UBASH3B: variants seen among roughly 807,000 people sequenced by gnomAD.
UBASH3B encodes ubiquitin-associated and SH3 domain-containing protein B.
A neutral mutation model predicts 83.4 loss-of-function variants in UBASH3B; 37 were observed. The ratio of observed to expected loss-of-function variants is 0.44; its 90% CI spans 0.34 to 0.58. The LOEUF is 0.58. Ranked by LOEUF, UBASH3B falls within the 20% of genes least tolerant of loss-of-function variation. The probability of loss-of-function intolerance (pLI) is 0.01; values close to 1 mark genes in which losing one functional copy is unlikely to be tolerated. For synonymous variants in UBASH3B, 304 were observed against 318.3 expected, an observed-to-expected ratio of 0.96 and a Z score of 0.48; for missense variants, 657 against 827.2, an observed-to-expected ratio of 0.79 and a Z score of 2.52.
chr11:122,794,741 C>T lies in UBASH3B; in HGVS notation c.1020C>T (p.Leu340=). The part of the protein sequence containing the change: ...SILNTSSSNS[L]TFGDGVLERR... ...TAAATACATCGTCATCCAACTCTCT[C>T]ACGTTTGGGGATGGAGTATTGGAGA... is the stretch of plus-strand genomic sequence containing the variant. The change falls in exon 7 of 14, where the codon CTC becomes CTT. Residue 340 remains leucine, a synonymous_variant. Coordinates refer to ENST00000284273, the MANE Select transcript of UBASH3B (RefSeq NM_032873.5). 2 of 1,614,158 alleles carry T rather than the reference C, an allele frequency of 1.2e-6. No individual in the cohort carries two copies. The highest frequency in any genetic ancestry group is 1.7e-5 in the Admixed American group (1 of 60,020).
intron 1 of UBASH3B, among the ~76,000 whole-genome samples, chr11:122,694,401 T>C (rs971957375): frequency 6.6e-6 from 1 of 152,106 alleles, no homozygotes; most frequent in Non-Finnish European, 1.5e-5. Flanking sequence ...GTTATTTTAA[T>C]GAAACTTACT....
At chr11:122,768,544 C>T (rs949927334) in intron 1 of UBASH3B, among the ~76,000 whole-genome samples, 55 of 151,498 alleles carry the variant, frequency 3.6e-4, no homozygotes, top group Admixed American at 2.8e-3. Flanking sequence ...CTCACTCTAT[C>T]GCCCACGCTG....
chr11:122,795,542 T>C (rs1861140172), intron 7 of UBASH3B, among the ~76,000 whole-genome samples: 1 of 152,220 alleles, frequency 6.6e-6, no homozygotes, highest in South Asian at 2.1e-4. Flanking sequence ...CCAAAGTCAT[T>C]TGGACAAGCC....
intron 1 of UBASH3B, among the ~76,000 whole-genome samples, chr11:122,734,670 G>A (rs1475926867): frequency 6.6e-6 from 1 of 152,048 alleles, no homozygotes; most frequent in Non-Finnish European, 1.5e-5. Context: ...ATTTTAAGAT[G>A]CAGCTTTCAT....
At chr11:122,717,982 C>A (rs970880051) in intron 1 of UBASH3B, among the ~76,000 whole-genome samples, 2 of 151,582 alleles carry the variant, frequency 1.3e-5, no homozygotes, top group African/African-American at 4.9e-5. Flanking sequence ...AGTGCAGTGG[C>A]GCCATCTTGG....
chr11:122,781,279 C>T (rs530372140), intron 4 of UBASH3B, among the ~76,000 whole-genome samples: 2 of 150,526 alleles, frequency 1.3e-5, no homozygotes, highest in African/African-American at 4.9e-5. Context: ...AAGAGCATAA[C>T]TGAGAGGCAA....
At chr11:122,675,564 C>T (rs994944560) in intron 1 of UBASH3B, among the ~76,000 whole-genome samples, 1 of 152,178 alleles carries the variant, frequency 6.6e-6, no homozygotes, top group African/African-American at 2.4e-5. Flanking sequence ...ACTAGCTCAG[C>T]CGCTGTTCTG....
chr11:122,734,538 T>G (rs975045669), intron 1 of UBASH3B, among the ~76,000 whole-genome samples: 2 of 152,142 alleles, frequency 1.3e-5, no homozygotes, highest in Non-Finnish European at 2.9e-5. Flanking sequence ...GGACACTTGG[T>G]GAGCACACTG....
chr11:122,704,477 C>T (rs1301579440), intron 1 of UBASH3B, among the ~76,000 whole-genome samples: 1 of 151,928 alleles, frequency 6.6e-6, no homozygotes, highest in Non-Finnish European at 1.5e-5. Context: ...AGAGAGGCCA[C>T]TTTCCTCAGA....
intron 1 of UBASH3B, among the ~76,000 whole-genome samples, chr11:122,735,567 C>T (rs1490457056): frequency 6.6e-6 from 1 of 152,202 alleles, no homozygotes. Flanking sequence ...TTGCCCTGTC[C>T]TCTTTGGGTT....
At chr11:122,767,911 G>A (rs1860577541) in intron 1 of UBASH3B, among the ~76,000 whole-genome samples, 2 of 152,196 alleles carry the variant, frequency 1.3e-5, no homozygotes, top group Non-Finnish European at 2.9e-5. Context: ...CAAGAGCAAG[G>A]CCAATGTCTT....
At chr11:122,739,105 C>T (rs1860983461) in intron 1 of UBASH3B, among the ~76,000 whole-genome samples, 1 of 152,026 alleles carries the variant, frequency 6.6e-6, no homozygotes, top group African/African-American at 2.4e-5. Context: ...CTCAGGGATC[C>T]TCCTGCCTCA....
chr11:122,696,993 C>T (rs772069747), intron 1 of UBASH3B, among the ~76,000 whole-genome samples: 4 of 152,172 alleles, frequency 2.6e-5, no homozygotes, highest in Non-Finnish European at 5.9e-5. Context: ...GAGTTGGTGA[C>T]TCCAGTGGGT....
chr11:122,693,951 G>A (rs914680121), intron 1 of UBASH3B, among the ~76,000 whole-genome samples: 2 of 152,186 alleles, frequency 1.3e-5, no homozygotes, highest in Non-Finnish European at 2.9e-5. Flanking sequence ...CAGTTGTGTT[G>A]TGTGCTTACA....
intron 4 of UBASH3B, chr11:122,782,780 A>C (rs1367895040): frequency 1.4e-5 from 5 of 347,980 alleles, no homozygotes; most frequent in Non-Finnish European, 2.1e-5. Context: ...TGTTGTGAGA[A>C]GGACTTAACT....
At chr11:122,662,857 A>G (rs1863464059) in intron 1 of UBASH3B, among the ~76,000 whole-genome samples, 1 of 152,080 alleles carries the variant, frequency 6.6e-6, no homozygotes, top group Admixed American at 6.6e-5. Flanking sequence ...GCATGTATCA[A>G]TAGTTTATCT....
chr11:122,663,200 T>C (rs60494825), intron 1 of UBASH3B, among the ~76,000 whole-genome samples: 58,755 of 151,910 alleles, frequency 0.39, 11,543 homozygotes, highest in African/African-American at 0.43. Flanking sequence ...TAGTCTCGAA[T>C]TCCTGAGCTC....
In UBASH3B at chr11:122,810,904, G is replaced by A. The variant is rs916871820; in HGVS notation, c.*1018G>A. ...TCAGGTTGTTGTACACTTACAGTACGTGTCAACCATAATGGAACATCCACA... is the reference window on the plus strand; with the variant it reads ...TCAGGTTGTTGTACACTTACAGTACATGTCAACCATAATGGAACATCCACA... On this transcript the variant is annotated 3_prime_UTR_variant, in exon 14 of 14. Coordinates refer to ENST00000284273, the MANE Select transcript of UBASH3B (RefSeq NM_032873.5). The A allele has an allele frequency of 2.6e-5, 4 of 152,160 alleles. No individual in the cohort carries two copies. The highest frequency in any genetic ancestry group is 5.9e-5 in the Non-Finnish European group (4 of 68,042). The allele number at this position is 152,160 out of a possible 1,614,324, so 9.4% of individuals were successfully genotyped here.
At chr11:122,771,781 AC>A (rs1860649873) in intron 1 of UBASH3B, among the ~76,000 whole-genome samples, 1 of 143,664 alleles carries the variant, frequency 7.0e-6, no homozygotes, top group African/African-American at 2.5e-5. Context: ...ACACACACAC[AC>A]ACACACACTA....
Sources: allele counts gnomAD v4.1 joint callset (sites outside exome capture counted in the v4.1 genomes callset), GRCh38; gene constraint gnomAD v4.1.1; transcripts MANE v1.5; gene names NCBI Gene and HGNC (gene_info 2026-07-23, HGNC 2026-07-21).